DIP2A: variants seen among roughly 807,000 people sequenced by gnomAD.
DIP2A encodes disco-interacting protein 2 homolog A.
Under a neutral mutation model 177.4 loss-of-function variants are expected in DIP2A, and 85 were observed. The ratio of observed to expected loss-of-function variants is 0.48; its 90% confidence interval spans 0.40 to 0.57. DIP2A has a LOEUF of 0.57. Among genes scored for constraint, DIP2A ranks in the 20% least tolerant of loss-of-function variants. DIP2A has a pLI of 0.00. For missense variants in DIP2A, 1,791 were observed against 2,100.2 expected (o/e 0.85, Z 2.88); for synonymous variants, 886 against 881.8 (o/e 1.00, Z -0.08).
chr21:46,499,397 C>T (rs933857266), intron 5 of DIP2A, among the ~76,000 whole-genome samples: 5 of 152,116 alleles, frequency 3.3e-5, no homozygotes, highest in Admixed American at 2.6e-4. Flanking sequence ...TGATCATCAC[C>T]CTTGACCTGG....
intron 1 of DIP2A, among the ~76,000 whole-genome samples, chr21:46,474,036 C>T (rs550348017): frequency 4.6e-5 from 7 of 152,262 alleles, no homozygotes; most frequent in Admixed American, 4.6e-4. Flanking sequence ...GCTTGAAAAA[C>T]CCATTGCAGT....
chr21:46,564,321 T>C (rs2060766058), intron 35 of DIP2A, among the ~76,000 whole-genome samples: 1 of 152,210 alleles, frequency 6.6e-6, no homozygotes, highest in Non-Finnish European at 1.5e-5. Context: ...TAGGGAACTC[T>C]GCACCAGAAG....
intron 3 of DIP2A, among the ~76,000 whole-genome samples, chr21:46,492,175 T>A (rs780507293): frequency 5.3e-5 from 8 of 152,216 alleles, no homozygotes; most frequent in Non-Finnish European, 8.8e-5. Flanking sequence ...TTAGTGTAAG[T>A]ACAAGGTATG....
chr21:46,546,829 C>T (rs2060067267), intron 20 of DIP2A, 86 bp from the exon 21 acceptor site: 34 of 1,514,594 alleles, frequency 2.2e-5, no homozygotes, highest in Admixed American at 3.8e-5. Context: ...TGCTGTTGGC[C>T]CCTTCTTGGG....
At chr21:46,467,702 TTTA>T (rs760086872) in intron 1 of DIP2A, among the ~76,000 whole-genome samples, 210 of 152,326 alleles carry the variant, frequency 1.4e-3, no homozygotes, top group Non-Finnish European at 1.5e-3. Context: ...ACTAACAAAA[TTTA>T]TTATTCATGT....
intron 1 of DIP2A, among the ~76,000 whole-genome samples, chr21:46,479,022 G>C (rs1601409551): frequency 6.6e-6 from 1 of 152,352 alleles, no homozygotes; most frequent in South Asian, 2.1e-4. Context: ...TCTATATAGA[G>C]AGAAAGTGAT....
chr21:46,525,078 G>A (rs1447487294), intron 8 of DIP2A, among the ~76,000 whole-genome samples: 2 of 151,322 alleles, frequency 1.3e-5, no homozygotes, highest in African/African-American at 2.4e-5. Flanking sequence ...GTAGAGTCAG[G>A]GTTTCACTGT....
intron 1 of DIP2A, among the ~76,000 whole-genome samples, chr21:46,482,445 A>G (rs1375443408): frequency 6.6e-6 from 1 of 152,218 alleles, no homozygotes; most frequent in African/African-American, 2.4e-5. Flanking sequence ...AGTCTTAAAA[A>G]TCTAATCCAT....
chr21:46,464,119 C>T (rs1376743634), intron 1 of DIP2A, among the ~76,000 whole-genome samples: 3 of 151,828 alleles, frequency 2.0e-5, no homozygotes, highest in Non-Finnish European at 4.4e-5. Flanking sequence ...TTCAGCCAGG[C>T]GCAGTGGCTC....
At chr21:46,561,170 G>T in intron 33 of DIP2A, 1 of 426,914 alleles carries the variant, frequency 2.3e-6, no homozygotes. Context: ...CCATCTACTG[G>T]CAAGAACGTT....
At chr21:46,532,012 A>G in intron 9 of DIP2A, 115 bp from the exon 10 acceptor site, 2 of 930,398 alleles carry the variant, frequency 2.1e-6, no homozygotes, top group Non-Finnish European at 3.2e-6. Flanking sequence ...GGTTTCAAGC[A>G]CAATTATTAC....
intron 1 of DIP2A, among the ~76,000 whole-genome samples, chr21:46,481,240 TTTC>T (rs2056324265): frequency 6.6e-6 from 1 of 152,216 alleles, no homozygotes; most frequent in African/African-American, 2.4e-5. Context: ...CGAGAATGGC[TTTC>T]TTCTTTCAGC....
In DIP2A at chr21:46,556,736, T is replaced by C. The variant is rs2060483358; in HGVS notation, c.3499-203T>C. ...AAATTCATTACCCTGAAATTTTGTTTCAAAGATTTTTAGTGTACCATTTCT... is the reference window on the plus strand; with the variant it reads ...AAATTCATTACCCTGAAATTTTGTTCCAAAGATTTTTAGTGTACCATTTCT... On this transcript the variant is annotated intron_variant, in intron 29 of 37. Coordinates refer to ENST00000417564, the MANE Select transcript of DIP2A (RefSeq NM_015151.4). This position sits in a 1 kb window ranked among gnomAD's most constrained non-coding sequence, Gnocchi z 4.5. The C allele has an allele frequency of 1.8e-6, 1 of 549,134 alleles. No homozygotes were observed. The highest frequency in any genetic ancestry group is 3.0e-5 in the East Asian group (1 of 33,370). 34.0% of individuals were successfully genotyped at this position (549,134 alleles called of 1,614,324 possible).
intron 1 of DIP2A, among the ~76,000 whole-genome samples, chr21:46,478,864 A>T (rs778474583): frequency 6.6e-5 from 10 of 151,910 alleles, no homozygotes; most frequent in Admixed American, 6.6e-5. Context: ...GATTTTAGTC[A>T]TAGTTTCTTG....
intron 8 of DIP2A, 93 bp from the exon 9 acceptor site, chr21:46,528,999 T>C (rs914218035): frequency 1.5e-6 from 1 of 673,356 alleles, no homozygotes; most frequent in Non-Finnish European, 2.4e-6. Context: ...AATGGGGTAA[T>C]GGTATATTTC....
Position 46,550,613 on chromosome 21 carries a change from C to T in DIP2A, c.2708C>T (p.Ala903Val), listed in dbSNP as rs1431523252. The change falls in exon 23 of 38, where the codon GCT (alanine) becomes GTT (valine). Residue 903 changes from alanine to valine, a missense_variant. Physicochemically the swap from Ala to Val is moderately conservative, Grantham distance 64. Transcript: ENST00000417564. ...ALVPANTLPKAPLGGIHISET... is the reference protein window; with the variant it reads ...ALVPANTLPKVPLGGIHISET... ...GTTCCTGCCAACACCTTGCCCAAGGCTCCTCTCGGAGGGATTCACATTTCT... is the reference window on the plus strand; with the variant it reads ...GTTCCTGCCAACACCTTGCCCAAGGTTCCTCTCGGAGGGATTCACATTTCT... 6.2e-7 allele frequency: 1 copy of T among 1,613,934 alleles called. No homozygotes were observed. The highest frequency in any genetic ancestry group is 8.5e-7 in the Non-Finnish European group (1 of 1,179,886).
chr21:46,484,729 G>T, intron 1 of DIP2A, 28 bp from the exon 2 acceptor site: 1 of 1,525,148 alleles, frequency 6.6e-7, no homozygotes. Flanking sequence ...TAGAAGAAAT[G>T]CAATTCTTTT....
At chr21:46,554,786 G>GGGGGGGGGGGGGGCCCCCCCC in intron 27 of DIP2A, 36 bp from the exon 28 acceptor site, 9 of 1,519,004 alleles carry the variant, frequency 5.9e-6, no homozygotes, top group Non-Finnish European at 8.0e-6. Flanking sequence ...AGCTTGAGAG[G>GGGGGGGGGGGGGGCCCCCCCC]CCCCGCCCAC....
intron 18 of DIP2A, among the ~76,000 whole-genome samples, chr21:46,544,463 C>G (rs992527111): frequency 3.9e-5 from 6 of 152,136 alleles, no homozygotes; most frequent in Admixed American, 3.9e-4. Context: ...CCTCCAGACC[C>G]AGGGCCTTTG....
Sources: allele counts gnomAD v4.1 joint callset (sites outside exome capture counted in the v4.1 genomes callset), GRCh38; gene constraint gnomAD v4.1.1; non-coding constraint Gnocchi (gnomAD v3.1); transcripts MANE v1.5; gene names NCBI Gene and HGNC (gene_info 2026-07-23, HGNC 2026-07-21).